Variants in LSG1 observed in about 807,000 individuals in gnomAD.
The protein encoded by LSG1 is large subunit GTPase 1 homolog.
A neutral mutation model predicts 82.6 loss-of-function variants in LSG1; 55 were observed. The observed-to-expected ratio is 0.67, with a 90% confidence interval of 0.54 to 0.83. LSG1 has a LOEUF of 0.83. Among genes scored for constraint, LSG1 ranks in the 40% least tolerant of loss-of-function variants. The pLI is 0.00. For synonymous variants in LSG1, 272 were observed against 282.5 expected (o/e 0.96, Z 0.37); for missense variants, 809 against 807.9 (o/e 1.00, Z -0.02).
rs77037847 is a variant in LSG1 at position 194,648,157 on chromosome 3, T to G, written c.1543+524A>C. On this transcript the variant is annotated intron_variant, in intron 11 of 13. Coordinates refer to ENST00000265245, the MANE Select transcript of LSG1 (RefSeq NM_018385.3). ...AGTTTACATTTAAGGCAAGAAATCA[T>G]AGGTTCCCACGTGGAATTGGGATAA... Among the ~76,000 whole-genome samples, 503 of 149,356 alleles carry G rather than the reference T, an allele frequency of 3.4e-3. 4 individuals are homozygous for G. Among genetic ancestry groups the G allele is most frequent in the African/African-American group, 0.012 (483 of 40,376 alleles).
At chr3:194,643,279 A>C (rs949043682) in intron 13 of LSG1, among the ~76,000 whole-genome samples, 2 of 152,210 alleles carry the variant, frequency 1.3e-5, no homozygotes. Context: ...ACTTTCTATC[A>C]CCAAATGTGT....
rs1203838878 is a variant in LSG1 at position 194,642,088 on chromosome 3, A to G, written c.1957T>C (p.Tyr653His). ...CAACCTCACATATCCAGGTGCTTGT[A>G]GAGTCTACGACTTTTTTCTTTTTTA... ...RNKKEKSRRL[Y>H]KHLDM The change falls in exon 14 of 14, where the codon TAC becomes CAC. Residue 653 changes from tyrosine to histidine, a missense_variant. By Grantham distance (83) the Tyr-to-His change is moderately conservative. Transcript: ENST00000265245. 6.2e-7 allele frequency: 1 copy of G among 1,612,716 alleles called. No homozygotes were observed. The highest frequency in any genetic ancestry group is 8.5e-7 in the Non-Finnish European group (1 of 1,180,014).
Position 194,641,902 on chromosome 3 carries a change from A to G in LSG1, c.*166T>C. On this transcript the variant is annotated 3_prime_UTR_variant, in exon 14 of 14. Transcript: ENST00000265245. ...CCTTTTTGTCAGAGTTGGTGTTTCC[A>G]GGAGGCCCTTGGTCTTGACATGGAG... The G allele has an allele frequency of 1.6e-6, 1 of 627,676 alleles. No individual in the cohort carries two copies. 38.9% of individuals were successfully genotyped at this position (627,676 alleles called of 1,614,324 possible).
chr3:194,660,087 T>G lies in LSG1; in HGVS notation c.568A>C (p.Arg190=). The G allele has an allele frequency of 6.2e-7, 1 of 1,614,068 alleles. No individual in the cohort carries two copies. Among genetic ancestry groups the G allele is most frequent in the Non-Finnish European group, 8.5e-7 (1 of 1,179,944 alleles). The change falls in exon 6 of 14, where the codon AGA becomes CGA. Residue 190 remains arginine (R), a synonymous_variant. Coordinates refer to ENST00000265245, the MANE Select transcript of LSG1 (RefSeq NM_018385.3). ...ACTTGACTTACCAAATCCTCACATC[T>G]AAACAGGAGTGGGTTTCGAGCATCT... ...IVDARNPLLF[R]CEDLECYVKE... is the part of the protein sequence containing the mutation.
In LSG1 at chr3:194,651,195, T is replaced by TA. The variant is rs780298331; in HGVS notation, c.1194dup (p.Lys399Ter). 6.2e-7 allele frequency: 1 copy of TA among 1,614,044 alleles called. No homozygotes were observed. The highest frequency in any genetic ancestry group is 2.2e-5 in the East Asian group (1 of 44,890). ...ATGATGGTGTTGATTGTTGAACTCTTACCAACATTAGGGTAGCCCACCTAG... is the reference window on the plus strand; with the variant it reads ...ATGATGGTGTTGATTGTTGAACTCTTAACCAACATTAGGGTAGCCCACCTAG... On this transcript the variant is annotated frameshift_variant, in exon 9 of 14. Coordinates refer to ENST00000265245, the MANE Select transcript of LSG1 (RefSeq NM_018385.3). LOFTEE classifies it high-confidence loss of function.
At chr3:194,667,942 A>AAAAAAATATATAT (rs1416407494) in intron 2 of LSG1, among the ~76,000 whole-genome samples, 2 of 86,958 alleles carry the variant, frequency 2.3e-5, no homozygotes, top group African/African-American at 9.7e-5. Flanking sequence ...AAAAAAAAAA[A>AAAAAAATATATAT]ATATATATAT....
intron 2 of LSG1, among the ~76,000 whole-genome samples, chr3:194,668,260 T>C (rs1010885553): frequency 1.7e-4 from 26 of 152,262 alleles, no homozygotes; most frequent in African/African-American, 6.0e-4. Context: ...TATTTTTGTG[T>C]AGACATGTTT....
intron 2 of LSG1, 42 bp from the exon 3 acceptor site, chr3:194,666,614 T>C: frequency 1.3e-6 from 2 of 1,560,754 alleles, no homozygotes; most frequent in Non-Finnish European, 1.8e-6. Flanking sequence ...AGAGGCAGTA[T>C]AGATACAGAG....
intron 10 of LSG1, among the ~76,000 whole-genome samples, chr3:194,649,521 C>CAA (rs558856677): frequency 3.3e-5 from 4 of 121,738 alleles, no homozygotes; most frequent in African/African-American, 8.8e-5. Flanking sequence ...CCATCTCTAC[C>CAA]AAAAAAAAAA....
At chr3:194,642,284 C>G in intron 13 of LSG1, 37 bp from the exon 14 acceptor site, 1 of 1,586,502 alleles carries the variant, frequency 6.3e-7, no homozygotes, top group Non-Finnish European at 8.6e-7. Context: ...GAGCTGTCAG[C>G]AGGCTATCCT....
In LSG1 at chr3:194,672,149, C is replaced by T. The variant is rs1719161531; in HGVS notation, c.14G>A (p.Arg5Lys). The change falls in exon 1 of 14, where the codon AGA (arginine) becomes AAA (lysine). Residue 5 changes from arginine (R) to lysine (K), a missense_variant. Coordinates refer to ENST00000265245, the MANE Select transcript of LSG1 (RefSeq NM_018385.3). ...TCCCAGCGACCCACCGGCCGGGGCT[C>T]TCCTCCGGCCCATGGCAACACGACC... MGRR[R>K]APAGGSLGRA... 6.2e-7 allele frequency: 1 copy of T among 1,603,052 alleles called. No homozygotes were observed. The highest frequency in any genetic ancestry group is 1.7e-5 in the Admixed American group (1 of 60,004).
Position 194,666,429 on chromosome 3 carries a change from T to C in LSG1, c.347+23A>G, listed in dbSNP as rs749206619. On this transcript the variant is annotated intron_variant, in intron 3 of 13. Transcript: ENST00000265245. Reference sequence around the variant, plus strand: ...CAGCAGCCTCGGATGTTTTGTGGCATTCTAAATTCTTCTTCAGCTCACCTC... The same window carrying C: ...CAGCAGCCTCGGATGTTTTGTGGCACTCTAAATTCTTCTTCAGCTCACCTC... The C allele has an allele frequency of 2.8e-5, 45 of 1,609,472 alleles. No homozygotes were observed. In the Admixed American group the frequency reaches 7.5e-4, roughly 27 times the overall value.
At chr3:194,666,384 C>A in intron 3 of LSG1, 68 bp downstream of exon 3, 1 of 1,600,512 alleles carries the variant, frequency 6.2e-7, no homozygotes. Context: ...GAAAAAGAAG[C>A]AATTTAAAAA....
intron 2 of LSG1, among the ~76,000 whole-genome samples, chr3:194,667,942 A>AAAAAAAAAAAAAAAAAAAATAT (rs1416407494): frequency 5.7e-5 from 5 of 86,968 alleles, no homozygotes; most frequent in Admixed American, 1.5e-4. Context: ...AAAAAAAAAA[A>AAAAAAAAAAAAAAAAAAAATAT]ATATATATAT....
rs1336075851 is a variant in LSG1, at chr3:194,652,901, T to C, written c.1001A>G (p.Gln334Arg). ...EDGPKEEDCSQDWKESSTADS... is the reference protein window; with the variant it reads ...EDGPKEEDCSRDWKESSTADS... ...TGCAGTAGAGCTTTCCTTCCAGTCC[T>C]GGCTGCAGTCCTCTTCCTTGGGACC... is the stretch of plus-strand genomic sequence containing the variant. The change falls in exon 8 of 14, where the codon CAG (glutamine) becomes CGG (arginine). Residue 334 changes from glutamine to arginine, a missense_variant. Gln to Arg is a conservative substitution (Grantham distance 43). Coordinates refer to ENST00000265245, the MANE Select transcript of LSG1 (RefSeq NM_018385.3). 1.2e-6 allele frequency: 2 copies of C among 1,614,040 alleles called. No individual in the cohort carries two copies. The highest frequency in any genetic ancestry group is 3.3e-5 in the Admixed American group (2 of 59,988).
rs767763323 is a variant in LSG1, at chr3:194,665,594, C to T, written c.484G>A (p.Asp162Asn). The change falls in exon 5 of 14, where the codon GAC (aspartate) becomes AAC (asparagine). Residue 162 changes from aspartate (D) to asparagine (N), a missense_variant. By Grantham distance (23) the Asp-to-Asn change is conservative (BLOSUM62 1). Coordinates refer to ENST00000265245, the MANE Select transcript of LSG1 (RefSeq NM_018385.3). Reference sequence around the variant, plus strand: ...ACTCTCCAGAGCTGGCGCCAAAAGTCCAAATTTCGTTCAAATGGAGTCAAT... The same window carrying T: ...ACTCTCCAGAGCTGGCGCCAAAAGTTCAAATTTCGTTCAAATGGAGTCAAT... ...LILTPFERNL[D>N]FWRQLWRVIE... 1.2e-6 allele frequency: 2 copies of T among 1,613,506 alleles called. No individual in the cohort carries two copies. The highest frequency in any genetic ancestry group is 1.7e-6 in the Non-Finnish European group (2 of 1,179,856).
At chr3:194,655,892 C>T (rs920457276) in intron 7 of LSG1, among the ~76,000 whole-genome samples, 1 of 152,114 alleles carries the variant, frequency 6.6e-6, no homozygotes, top group African/African-American at 2.4e-5. Context: ...CAAAAACAAG[C>T]AATGGGGAAA....
intron 8 of LSG1, among the ~76,000 whole-genome samples, chr3:194,652,232 T>C (rs1440973138): frequency 1.3e-5 from 2 of 152,218 alleles, no homozygotes; most frequent in South Asian, 2.1e-4. Flanking sequence ...AATTAGGGTA[T>C]GTAAGGCTGG....
At chr3:194,646,272 C>T in intron 11 of LSG1, 29 bp from the exon 12 acceptor site, 1 of 1,573,418 alleles carries the variant, frequency 6.4e-7, no homozygotes, top group Non-Finnish European at 8.7e-7. Flanking sequence ...TTTGCAAAAT[C>T]TTAGATGACA....
Sources: allele counts gnomAD v4.1 joint callset (sites outside exome capture counted in the v4.1 genomes callset), GRCh38; gene constraint gnomAD v4.1.1; transcripts MANE v1.5; gene names NCBI Gene and HGNC (gene_info 2026-07-23, HGNC 2026-07-21).